The following ADGRL3 variants were observed in gnomAD, a reference collection of about 807,000 sequenced individuals.
The protein encoded by ADGRL3 is calcium-independent alpha-latrotoxin receptor 3.
A neutral mutation model predicts 153.5 loss-of-function variants in ADGRL3; 62 were observed. The ratio of observed to expected loss-of-function variants is 0.40; its 90% confidence interval spans 0.33 to 0.50. The LOEUF (loss-of-function observed/expected upper bound fraction) is 0.50, where lower values mean the gene tolerates loss of function less well. ADGRL3 is among the 20% of genes least tolerant of loss of function. The pLI is 0.47. For missense variants in ADGRL3, 1,641 were observed against 1,859.4 expected, an observed-to-expected ratio of 0.88 and a Z score of 2.16; for synonymous variants, 710 against 672.5, an observed-to-expected ratio of 1.06 and a Z score of -0.86.
In ADGRL3 at chr4:61,890,369, A is replaced by G. The variant is rs368485305; in HGVS notation, c.1481-2287A>G. Among the ~76,000 whole-genome samples the G allele has an allele frequency of 2.9e-4, 44 of 152,320 alleles. No homozygotes were observed. In the South Asian group the frequency reaches 9.1e-3, roughly 32 times the overall value. Reference sequence around the variant, plus strand: ...TCTTAGTTCATTTTCTACCACTGTAACAATACCCAAGACGGGGTAATTTAT... The same window carrying G: ...TCTTAGTTCATTTTCTACCACTGTAGCAATACCCAAGACGGGGTAATTTAT... On this transcript the variant is annotated intron_variant, in intron 9 of 26. Coordinates refer to ENST00000683033, the MANE Select transcript of ADGRL3 (RefSeq NM_001387552.1).
chr4:61,459,712 A>AT (rs886501864), intron 2 of ADGRL3, among the ~76,000 whole-genome samples: 3 of 151,850 alleles, frequency 2.0e-5, no homozygotes, highest in African/African-American at 4.8e-5. Context: ...CCTTGCCAGA[A>AT]TTTTTTTTGT....
chr4:62,005,058 T>A (rs1420770687), intron 21 of ADGRL3, among the ~76,000 whole-genome samples: 1 of 152,176 alleles, frequency 6.6e-6, no homozygotes, highest in East Asian at 1.9e-4. Context: ...TTCAGACAAG[T>A]TGAGACTTTC....
intron 9 of ADGRL3, among the ~76,000 whole-genome samples, chr4:61,878,845 A>G (rs1004336372): frequency 1.3e-4 from 20 of 152,146 alleles, no homozygotes; most frequent in South Asian, 4.1e-4. Flanking sequence ...AGATCAGTCT[A>G]TGCTTCCAAG....
chr4:61,281,289 T>G (rs2149994113), intron 1 of ADGRL3, among the ~76,000 whole-genome samples: 1 of 152,274 alleles, frequency 6.6e-6, no homozygotes, highest in South Asian at 2.1e-4. Context: ...ATTTTTAGCT[T>G]TGTCCATTGC....
At chr4:61,445,074 A>G (rs2097567618) in intron 2 of ADGRL3, among the ~76,000 whole-genome samples, 1 of 151,982 alleles carries the variant, frequency 6.6e-6, no homozygotes, top group Non-Finnish European at 1.5e-5. Flanking sequence ...AAATGCTTAT[A>G]CTTCAAATGT....
At chr4:61,862,828 C>G (rs1465291368) in intron 9 of ADGRL3, among the ~76,000 whole-genome samples, 1 of 152,086 alleles carries the variant, frequency 6.6e-6, no homozygotes, top group Non-Finnish European at 1.5e-5. Context: ...AGAAGCACTG[C>G]TCAACACTAC....
intron 20 of ADGRL3, among the ~76,000 whole-genome samples, chr4:61,997,325 T>A (rs2099125206): frequency 6.6e-6 from 1 of 151,748 alleles, no homozygotes; most frequent in African/African-American, 2.4e-5. Context: ...AATTAGGTTT[T>A]CCCACCACAT....
At chr4:61,874,639 T>C (rs909537743) in intron 9 of ADGRL3, among the ~76,000 whole-genome samples, 2 of 151,660 alleles carry the variant, frequency 1.3e-5, no homozygotes, top group Non-Finnish European at 2.9e-5. Flanking sequence ...GTATTTAAAG[T>C]TAATAGTCTA....
At chr4:61,631,258 C>G (rs1304353888) in intron 5 of ADGRL3, among the ~76,000 whole-genome samples, 1 of 152,094 alleles carries the variant, frequency 6.6e-6, no homozygotes, top group Non-Finnish European at 1.5e-5. Context: ...ATAGTCATAA[C>G]CAGTGATGTA....
intron 1 of ADGRL3, among the ~76,000 whole-genome samples, chr4:61,284,587 T>C (rs1026893374): frequency 3.9e-5 from 6 of 151,948 alleles, no homozygotes; most frequent in African/African-American, 1.4e-4. Context: ...TCCAGAAATA[T>C]ATATTTTCTG....
At chr4:61,778,877 G>A (rs1004161174) in intron 8 of ADGRL3, among the ~76,000 whole-genome samples, 5 of 152,230 alleles carry the variant, frequency 3.3e-5, no homozygotes, top group Middle Eastern at 3.4e-3. Context: ...GGCCAACATG[G>A]CGAAACGCCA....
chr4:61,585,018 T>C (rs2098940635), intron 4 of ADGRL3, among the ~76,000 whole-genome samples: 1 of 151,962 alleles, frequency 6.6e-6, no homozygotes, highest in African/African-American at 2.4e-5. Flanking sequence ...ATTGTGAGAG[T>C]ACCTTGCTAA....
chr4:61,807,199 T>C (rs2097561564), intron 8 of ADGRL3, among the ~76,000 whole-genome samples: 1 of 152,110 alleles, frequency 6.6e-6, no homozygotes, highest in Non-Finnish European at 1.5e-5. Context: ...CCACATTACA[T>C]ATTGTCCAAA....
chr4:61,741,669 T>C (rs559111998), intron 8 of ADGRL3, among the ~76,000 whole-genome samples: 1 of 152,340 alleles, frequency 6.6e-6, no homozygotes, highest in East Asian at 1.9e-4. Context: ...AGGGTAAAAC[T>C]TCCCAGAATG....
chr4:61,572,841 T>C (rs776357167), intron 4 of ADGRL3, among the ~76,000 whole-genome samples: 1 of 152,060 alleles, frequency 6.6e-6, no homozygotes, highest in Non-Finnish European at 1.5e-5. Flanking sequence ...AGTTCCATGA[T>C]GTCTTCAAGG....
At chr4:61,498,671 G>A (rs189476398) in intron 3 of ADGRL3, among the ~76,000 whole-genome samples, 2 of 152,050 alleles carry the variant, frequency 1.3e-5, no homozygotes, top group African/African-American at 4.8e-5. Flanking sequence ...ACTTAATGTT[G>A]TTCATTTAGA....
At chr4:61,252,663 G>A (rs1215990830) in intron 1 of ADGRL3, among the ~76,000 whole-genome samples, 2 of 147,760 alleles carry the variant, frequency 1.4e-5, no homozygotes, top group Non-Finnish European at 3.0e-5. Context: ...GATCGTTTCT[G>A]ATTTCGTTTG....
At chr4:61,908,986 G>T (rs2098709520) in intron 11 of ADGRL3, among the ~76,000 whole-genome samples, 1 of 152,146 alleles carries the variant, frequency 6.6e-6, no homozygotes, top group African/African-American at 2.4e-5. Context: ...TGTAGTTTCA[G>T]AGAAGAAAAA....
chr4:61,407,635 G>A (rs1416540523), intron 2 of ADGRL3, among the ~76,000 whole-genome samples: 2 of 152,118 alleles, frequency 1.3e-5, no homozygotes, highest in African/African-American at 4.8e-5. Flanking sequence ...CAGATTCTCT[G>A]TCATCATTGA....
Sources: allele counts gnomAD v4.1 joint callset (sites outside exome capture counted in the v4.1 genomes callset), GRCh38; gene constraint gnomAD v4.1.1; transcripts MANE v1.5; gene names NCBI Gene and HGNC (gene_info 2026-07-23, HGNC 2026-07-21).